FRMD3: variants seen among roughly 807,000 people sequenced by gnomAD.
FRMD3 encodes the protein FERM domain-containing protein 3.
FRMD3 carries 33 observed loss-of-function variants against 70.2 expected under a neutral mutation model. The observed-to-expected ratio is 0.47, with a 90% CI of 0.36 to 0.63. The LOEUF (loss-of-function observed/expected upper bound fraction) is 0.63. FRMD3 is among the 20% of genes least tolerant of loss of function. The pLI, the probability that FRMD3 is intolerant of heterozygous loss-of-function variation, is 0.00. For synonymous variants in FRMD3, 279 were observed against 255.9 expected, an observed-to-expected ratio of 1.09 and a Z score of -0.86; for missense variants, 632 against 711.4, an observed-to-expected ratio of 0.89 and a Z score of 1.27.
chr9:83,385,715 C>A (rs1270001082), intron 2 of FRMD3, among the ~76,000 whole-genome samples: 1 of 151,322 alleles, frequency 6.6e-6, no homozygotes, highest in Non-Finnish European at 1.5e-5. Flanking sequence ...TTTTACTTGC[C>A]ATTCAGAAAA....
At chr9:83,554,112 G>C in the FRMD3 span, among the ~76,000 whole-genome samples, 5 of 152,288 alleles carry the variant, frequency 3.3e-5, no homozygotes, top group East Asian at 3.9e-4. Flanking sequence ...AGTTTCATAG[G>C]GGGGTATATT....
chr9:83,331,589 T>C (rs1836273851), intron 6 of FRMD3, among the ~76,000 whole-genome samples: 2 of 152,184 alleles, frequency 1.3e-5, no homozygotes, highest in Non-Finnish European at 2.9e-5. Flanking sequence ...CTATCAACTA[T>C]GAGTGATTAT....
intron 6 of FRMD3, among the ~76,000 whole-genome samples, chr9:83,320,167 C>G (rs1341520450): frequency 6.6e-6 from 1 of 151,950 alleles, no homozygotes; most frequent in Non-Finnish European, 1.5e-5. Context: ...TCTGATTGCT[C>G]TAGCAAGGAC....
At position 83,438,681 on chromosome 9, in the gene FRMD3, T is replaced by G. The variant is rs943660526; in HGVS notation, c.148-48973A>C. On this transcript the variant is annotated intron_variant, in intron 1 of 13. Coordinates refer to ENST00000304195, the MANE Select transcript of FRMD3 (RefSeq NM_174938.6). Reference sequence around the variant, plus strand: ...TCCCAAAGTGCTGAGATTACAGGCGTGAGCCACCGCATCCAGCAAAGAGAA... The same window carrying G: ...TCCCAAAGTGCTGAGATTACAGGCGGGAGCCACCGCATCCAGCAAAGAGAA... 2.6e-5 allele frequency among the ~76,000 whole-genome samples: 4 copies of G among 152,268 alleles called. No homozygotes were observed. In the East Asian group the frequency reaches 7.7e-4, roughly 29 times the overall value.
the FRMD3 span, among the ~76,000 whole-genome samples, chr9:83,564,603 C>G: frequency 6.6e-6 from 1 of 152,018 alleles, no homozygotes; most frequent in Non-Finnish European, 1.5e-5. Context: ...TATCTCTGGT[C>G]TGCTTCAATG....
At chr9:83,543,899 G>A in the FRMD3 span, among the ~76,000 whole-genome samples, 54 of 152,170 alleles carry the variant, frequency 3.5e-4, no homozygotes, top group African/African-American at 1.1e-3. Flanking sequence ...TGGTAATGGA[G>A]ATGAAGCCTC....
chr9:83,250,290 TG>T (rs1832340858), intron 13 of FRMD3, among the ~76,000 whole-genome samples: 1 of 152,058 alleles, frequency 6.6e-6, no homozygotes, highest in Non-Finnish European at 1.5e-5. Flanking sequence ...CTTTGCAACC[TG>T]CGGATCAGGA....
intron 1 of FRMD3, among the ~76,000 whole-genome samples, chr9:83,478,573 T>C (rs772847548): frequency 6.6e-6 from 1 of 152,170 alleles, no homozygotes. Flanking sequence ...GTGCAGCCAC[T>C]GTGGAAAACA....
Position 83,311,978 on chromosome 9 carries a change from GAAAAAA to G in FRMD3, c.685-9_685-4del. The G allele has an allele frequency of 1.5e-6, 2 of 1,326,502 alleles. No homozygotes were observed. The highest frequency in any genetic ancestry group is 1.4e-5 in the South Asian group (1 of 73,840). 82.2% of individuals were successfully genotyped at this position (1,326,502 alleles called of 1,614,324 possible). ...AATGTTGTTGTGCCTGTTGAATCCT[GAAAAAA>G]AAAAAAAAGAAAAAAGAAAAATCTG... On this transcript the variant is annotated splice_region_variant and splice_polypyrimidine_tract_variant and intron_variant, in intron 7 of 13. Coordinates refer to ENST00000304195, the MANE Select transcript of FRMD3 (RefSeq NM_174938.6).
chr9:83,299,940 C>A (rs181520888), intron 10 of FRMD3, among the ~76,000 whole-genome samples: 2 of 152,236 alleles, frequency 1.3e-5, no homozygotes, highest in Non-Finnish European at 2.9e-5. Context: ...ACTGTGACAG[C>A]TGAGGATGGC....
the FRMD3 span, among the ~76,000 whole-genome samples, chr9:83,571,692 C>T: frequency 6.6e-6 from 1 of 152,208 alleles, no homozygotes; most frequent in Admixed American, 6.5e-5. Flanking sequence ...TAACCCAGTA[C>T]CACAGAGTTC....
the FRMD3 span, among the ~76,000 whole-genome samples, chr9:83,571,732 A>T: frequency 6.6e-6 from 1 of 152,214 alleles, no homozygotes; most frequent in Non-Finnish European, 1.5e-5. Context: ...GCTCATCTGT[A>T]ACTTTACTCT....
At chr9:83,519,400 A>G (rs1226070186) in intron 1 of FRMD3, among the ~76,000 whole-genome samples, 1 of 152,242 alleles carries the variant, frequency 6.6e-6, no homozygotes, top group Admixed American at 6.5e-5. Context: ...AAAGCTCATC[A>G]TCACTGGTCA....
At chr9:83,373,765 CA>C (rs1008909903) in intron 2 of FRMD3, among the ~76,000 whole-genome samples, 1 of 152,108 alleles carries the variant, frequency 6.6e-6, no homozygotes, top group Non-Finnish European at 1.5e-5. Context: ...AGAGATGATA[CA>C]GGGGGTGTCC....
intron 1 of FRMD3, among the ~76,000 whole-genome samples, chr9:83,495,050 C>T (rs981999893): frequency 1.8e-4 from 20 of 109,302 alleles, no homozygotes; most frequent in Non-Finnish European, 3.4e-4. Flanking sequence ...TTTACTTAAC[C>T]ATTCTCCTAC....
chr9:83,479,441 AAGGG>A (rs796325943), intron 1 of FRMD3, among the ~76,000 whole-genome samples: 15 of 118,434 alleles, frequency 1.3e-4, no homozygotes, highest in South Asian at 1.0e-3. Context: ...AGAAGGAAGG[AAGGG>A]AGGGAGGGAG....
At chr9:83,331,915 C>A in intron 6 of FRMD3, 1 of 716,758 alleles carries the variant, frequency 1.4e-6, no homozygotes, top group South Asian at 1.5e-5. Context: ...GAGTCCTGAT[C>A]AGAGAGTTGT....
chr9:83,448,203 T>C (rs998852750), intron 1 of FRMD3, among the ~76,000 whole-genome samples: 13 of 152,188 alleles, frequency 8.5e-5, no homozygotes, highest in African/African-American at 2.9e-4. Flanking sequence ...AATACACTTC[T>C]CTAAGAAACA....
At chr9:83,400,664 G>T (rs4877758) in intron 1 of FRMD3, among the ~76,000 whole-genome samples, 36,069 of 151,924 alleles carry the variant, frequency 0.24, 5,467 homozygotes, top group African/African-American at 0.43. Context: ...AAGGCAATGT[G>T]GTATTAGCAA....
Sources: allele counts gnomAD v4.1 joint callset (sites outside exome capture counted in the v4.1 genomes callset), GRCh38; gene constraint gnomAD v4.1.1; transcripts MANE v1.5; gene names NCBI Gene and HGNC (gene_info 2026-07-23, HGNC 2026-07-21).